Variants in TXNDC16 observed in about 807,000 individuals in gnomAD.
TXNDC16 encodes the protein thioredoxin domain-containing protein 16.
A neutral mutation model predicts 85.6 loss-of-function variants in TXNDC16; 74 were observed. That is an observed-to-expected ratio of 0.86 (90% CI 0.72 to 1.05). The LOEUF (loss-of-function observed/expected upper bound fraction) is 1.05, where lower values mean the gene tolerates loss of function less well. Ranked by LOEUF, TXNDC16 falls within the 50% of genes least tolerant of loss-of-function variation. The pLI is 0.00. For missense variants in TXNDC16, 959 were observed against 947.0 expected, an observed-to-expected ratio of 1.01 and a Z score of -0.17; for synonymous variants, 335 against 326.5, an observed-to-expected ratio of 1.03 and a Z score of -0.28.
chr14:52,452,500 A>G (rs2035434926), intron 18 of TXNDC16, among the ~76,000 whole-genome samples: 1 of 152,210 alleles, frequency 6.6e-6, no homozygotes, highest in South Asian at 2.1e-4. Context: ...GACCAATGGA[A>G]CAGAATACAG....
chr14:52,506,568 G>C (rs1302001374), intron 9 of TXNDC16, among the ~76,000 whole-genome samples: 2 of 14,928 alleles, frequency 1.3e-4, no homozygotes, highest in Non-Finnish European at 2.5e-4. Context: ...TCTTTTTTTT[G>C]AGACGGAGTC....
chr14:52,450,037 G>C (rs1199453368), intron 18 of TXNDC16, among the ~76,000 whole-genome samples: 1 of 151,838 alleles, frequency 6.6e-6, no homozygotes, highest in Non-Finnish European at 1.5e-5. Flanking sequence ...AACTAGAAAA[G>C]CAAGAGCAAA....
At chr14:52,454,426 A>T (rs537609144) in intron 18 of TXNDC16, among the ~76,000 whole-genome samples, 1 of 104,350 alleles carries the variant, frequency 9.6e-6, no homozygotes, top group East Asian at 2.9e-4. Flanking sequence ...AACTCTGTCT[A>T]AAAAAAAAAA....
chr14:52,449,754 T>C (rs2035365044), intron 18 of TXNDC16, among the ~76,000 whole-genome samples: 1 of 152,090 alleles, frequency 6.6e-6, no homozygotes, highest in Non-Finnish European at 1.5e-5. Flanking sequence ...ATCAAGCATC[T>C]TCTCTCACCA....
chr14:52,548,877 C>T (rs553850059), intron 1 of TXNDC16, among the ~76,000 whole-genome samples: 18 of 152,102 alleles, frequency 1.2e-4, no homozygotes, highest in African/African-American at 2.9e-4. Flanking sequence ...AGCAAAACTC[C>T]GTCTCAGAAA....
Position 52,485,321 on chromosome 14 carries a change from TATG to T in TXNDC16, c.1109-2359_1109-2357del, listed in dbSNP as rs552371015. Among the ~76,000 whole-genome samples the T allele has an allele frequency of 3.1e-3, 469 of 152,354 alleles. 2 individuals carry two copies. The highest frequency in any genetic ancestry group is 0.011 in the African/African-American group (453 of 41,576). ...AAAAGAAAATATTTTTGTACAGCTG[TATG>T]ATGTGTTTGTGCTTTAAGTTTAATG... On this transcript the variant is annotated intron_variant, in intron 12 of 20. Transcript: ENST00000281741.
intron 6 of TXNDC16, among the ~76,000 whole-genome samples, chr14:52,529,834 CTATA>C (rs1169801686): frequency 9.8e-6 from 1 of 101,592 alleles, no homozygotes; most frequent in Non-Finnish European, 1.8e-5. Flanking sequence ...TGTATTATTA[CTATA>C]TATAATAAAT....
chr14:52,491,217 C>T (rs778886519), intron 9 of TXNDC16, among the ~76,000 whole-genome samples: 2 of 151,956 alleles, frequency 1.3e-5, no homozygotes, highest in Admixed American at 1.3e-4. Flanking sequence ...GAATCTTGCT[C>T]GCTCATCAGG....
chr14:52,523,419 C>A (rs893046590), intron 6 of TXNDC16, among the ~76,000 whole-genome samples: 1 of 152,098 alleles, frequency 6.6e-6, no homozygotes, highest in African/African-American at 2.4e-5. Context: ...GAGATACAGA[C>A]AATTTTTGTA....
intron 10 of TXNDC16, 40 bp downstream of exon 10, chr14:52,490,799 C>T (rs1349045310): frequency 1.2e-5 from 19 of 1,575,884 alleles, no homozygotes; most frequent in South Asian, 2.4e-5. Context: ...AAACTATTAG[C>T]GTTTTGCTAA....
intron 2 of TXNDC16, among the ~76,000 whole-genome samples, chr14:52,543,942 G>C (rs1257065007): frequency 1.3e-5 from 2 of 151,838 alleles, no homozygotes; most frequent in African/African-American, 4.8e-5. Flanking sequence ...TTTTTTAATT[G>C]GGCATTTTGT....
chr14:52,464,866 G>T (rs1258204649), intron 16 of TXNDC16, among the ~76,000 whole-genome samples: 1 of 152,118 alleles, frequency 6.6e-6, no homozygotes, highest in Non-Finnish European at 1.5e-5. Flanking sequence ...ATGAACCTGG[G>T]AGGTGGAGGT....
intron 1 of TXNDC16, among the ~76,000 whole-genome samples, chr14:52,551,197 G>A (rs764074757): frequency 6.6e-5 from 10 of 151,740 alleles, no homozygotes; most frequent in Non-Finnish European, 1.0e-4. Flanking sequence ...CTACAAAATA[G>A]ACTTTAAAGT....
chr14:52,484,074 A>G (rs1233816655), intron 12 of TXNDC16, among the ~76,000 whole-genome samples: 3 of 152,102 alleles, frequency 2.0e-5, no homozygotes, highest in Non-Finnish European at 4.4e-5. Context: ...AGAATTGTTA[A>G]TTTTTTAGAT....
intron 12 of TXNDC16, among the ~76,000 whole-genome samples, chr14:52,483,415 G>A (rs2036194455): frequency 6.6e-6 from 1 of 152,174 alleles, no homozygotes; most frequent in South Asian, 2.1e-4. Context: ...GATACACTGA[G>A]AGATTATAAC....
At chr14:52,445,493 G>A (rs1358042404) in intron 18 of TXNDC16, among the ~76,000 whole-genome samples, 1 of 152,254 alleles carries the variant, frequency 6.6e-6, no homozygotes, top group Non-Finnish European at 1.5e-5. Flanking sequence ...AGTCACTTCA[G>A]AAATGTAGAA....
chr14:52,432,581 A>G lies in TXNDC16; in HGVS notation c.2201T>C (p.Leu734Ser), dbSNP rs1400208811. Residue 734 changes from leucine (L) to serine (S), a missense_variant, in exon 21 of 21, where the codon TTA becomes TCA. Physicochemically the swap from Leu to Ser is moderately radical, Grantham distance 145. Coordinates refer to ENST00000281741, the MANE Select transcript of TXNDC16 (RefSeq NM_020784.3). Reference protein sequence around the residue: ...EAGLENHITILPAQEWKPPLP... With the variant: ...EAGLENHITISPAQEWKPPLP... The stretch of plus-strand genomic sequence containing the variant: ...AGGAGGTTTCCATTCTTGAGCAGGT[A>G]AAATTGCTGGAAGGAAGAAACAATC... 3 of 1,601,482 alleles carry G rather than the reference A, an allele frequency of 1.9e-6. No homozygotes were observed. Among genetic ancestry groups the G allele is most frequent in the Admixed American group, 1.7e-5 (1 of 57,488 alleles).
rs2035552923 is a variant in TXNDC16, at chr14:52,457,107, T to C, written c.1686A>G (p.Glu562=). ...AAACTTACAGTAGCAAAACATCTTC[T>C]TCAGAATAAATTCCAGTGATAACAT... ...KGYVITGIYS[E]EDVLLLSTKY... The change falls in exon 17 of 21, where the codon GAA becomes GAG. Residue 562 remains glutamate, a synonymous_variant. Transcript: ENST00000281741. 1 of 1,586,660 alleles carries C rather than the reference T, an allele frequency of 6.3e-7. No individual in the cohort carries two copies. The highest frequency in any genetic ancestry group is 1.4e-5 in the African/African-American group (1 of 73,336).
chr14:52,444,579 AACAAACTGTC>A (rs2035236899), intron 18 of TXNDC16, among the ~76,000 whole-genome samples: 2 of 152,150 alleles, frequency 1.3e-5, no homozygotes, highest in African/African-American at 4.8e-5. Context: ...AAACATTGGA[AACAAACTGTC>A]ACAATGCATA....
Sources: allele counts gnomAD v4.1 joint callset (sites outside exome capture counted in the v4.1 genomes callset), GRCh38; gene constraint gnomAD v4.1.1; transcripts MANE v1.5; gene names NCBI Gene and HGNC (gene_info 2026-07-23, HGNC 2026-07-21).